The following NLRP6 variants were observed in gnomAD, a reference collection of about 807,000 sequenced individuals.
The protein encoded by NLRP6 is NLR family pyrin domain containing 6.
In NLRP6, 55 loss-of-function variants were observed where a neutral mutation model predicts 70.9. The ratio of observed to expected loss-of-function variants is 0.78; its 90% CI spans 0.62 to 0.97. The LOEUF is 0.97. Among genes scored for constraint, NLRP6 ranks in the 50% least tolerant of loss-of-function variants. NLRP6 has a pLI of 0.00. For synonymous variants in NLRP6, 652 were observed against 581.9 expected (o/e 1.12, Z -1.73); for missense variants, 1,241 against 1,238.3 (o/e 1.00, Z -0.03).
At chr11:283,685 G>A (rs961963954) in intron 5 of NLRP6, among the ~76,000 whole-genome samples, 1 of 152,114 alleles carries the variant, frequency 6.6e-6, no homozygotes, top group Non-Finnish European at 1.5e-5. Flanking sequence ...GAAAGGAAGA[G>A]GAAATCTAGG....
At chr11:282,554 T>G in intron 4 of NLRP6, 151 bp from the exon 5 acceptor site, 1 of 665,112 alleles carries the variant, frequency 1.5e-6, no homozygotes, top group Non-Finnish European at 2.8e-6. Flanking sequence ...TTGCTCTGGG[T>G]TTGGTTGGGG....
intron 7 of NLRP6, 112 bp from the exon 8 acceptor site, chr11:285,054 C>A: frequency 2.2e-6 from 2 of 913,118 alleles, no homozygotes; most frequent in Non-Finnish European, 3.3e-6. Flanking sequence ...CGGCCACCCC[C>A]ACGGCACTGC....
intron 5 of NLRP6, 39 bp from the exon 6 acceptor site, chr11:284,191 A>G (rs374240471): frequency 1.1e-5 from 18 of 1,597,526 alleles, no homozygotes; most frequent in Non-Finnish European, 1.5e-5. Flanking sequence ...GTGGTGGCTG[A>G]GGCGCCTGCA....
chr11:281,573 G>A lies in NLRP6; in HGVS notation c.1839G>A (p.Glu613=). 1 of 1,611,244 alleles carries A rather than the reference G, an allele frequency of 6.2e-7. No individual in the cohort carries two copies. The highest frequency in any genetic ancestry group is 1.3e-5 in the African/African-American group (1 of 75,032). ...TEEPEEEEEG[E]EPNYPLELLY... ...AGCCAGAGGAGGAGGAGGAGGGAGA[G>A]GAGCCCAACTACCCACTGGAGTTGC... The change falls in exon 4 of 8, where the codon GAG becomes GAA. Residue 613 remains glutamate, a synonymous_variant. Coordinates refer to ENST00000534750, the MANE Select transcript of NLRP6 (RefSeq NM_001276700.2).
chr11:280,705 T>G lies in NLRP6; in HGVS notation c.971T>G (p.Val324Gly). The G allele has an allele frequency of 6.4e-7, 1 of 1,571,404 alleles. No homozygotes were observed. The change falls in exon 4 of 8, where the codon GTG becomes GGG. Residue 324 changes from valine (V) to glycine (G), a missense_variant. Physicochemically the swap from Val to Gly is moderately radical, Grantham distance 109. Coordinates refer to ENST00000534750, the MANE Select transcript of NLRP6 (RefSeq NM_001276700.2). ...KALLPTALLL[V>G]TTRAAAPGRL... is the part of the protein sequence containing the mutation. Reference sequence around the variant, plus strand: ...CTGCTGCCCACGGCCCTCCTGCTGGTGACCACGCGCGCCGCCGCCCCCGGG... The same window carrying G: ...CTGCTGCCCACGGCCCTCCTGCTGGGGACCACGCGCGCCGCCGCCCCCGGG...
intron 7 of NLRP6, 111 bp downstream of exon 7, chr11:284,753 T>G: frequency 9.6e-7 from 1 of 1,039,002 alleles, no homozygotes; most frequent in Non-Finnish European, 1.4e-6. Flanking sequence ...CCCAGAGACC[T>G]CCCATGTGAC....
chr11:280,219 C>G lies in NLRP6; in HGVS notation c.485C>G (p.Ala162Gly), dbSNP rs1253547682. 6.5e-7 allele frequency: 1 copy of G among 1,545,484 alleles called. No individual in the cohort carries two copies. Among genetic ancestry groups the G allele is most frequent in the Non-Finnish European group, 8.7e-7 (1 of 1,145,344 alleles). The stretch of plus-strand genomic sequence containing the variant: ...CCCGAGAGCGCCGCCCCGGAGGAGG[C>G]GATGGGGCCCGCGGAAGAGCCTGAG... ...IAPESAAPEE[A>G]MGPAEEPEPG... Residue 162 changes from alanine (A) to glycine (G), a missense_variant, in exon 4 of 8, where the codon GCG (alanine) becomes GGG (glycine). By Grantham distance (60) the Ala-to-Gly change is moderately conservative. Transcript: ENST00000534750.
chr11:278,733 G>T lies in NLRP6; in HGVS notation c.29+135G>T, dbSNP rs376681481. The T allele has an allele frequency of 2.2e-4, 134 of 607,474 alleles. No homozygotes were observed. Among genetic ancestry groups the T allele is most frequent in the Middle Eastern group, 4.7e-4 (1 of 2,114 alleles). The allele number at this position is 607,474 out of a possible 1,614,324, so 37.6% of individuals were successfully genotyped here. On this transcript the variant is annotated intron_variant, in intron 1 of 7. Transcript: ENST00000534750. This position sits in a 1 kb window ranked among gnomAD's most constrained non-coding sequence, Gnocchi z 4.7. ...CCCCCACCCTCACTCCCAGGCTCAG[G>T]AGCCAAGCACTGCCTCCCCACAGAG...
chr11:283,581 G>A (rs1363791239), intron 5 of NLRP6, among the ~76,000 whole-genome samples: 5 of 152,046 alleles, frequency 3.3e-5, no homozygotes, highest in African/African-American at 1.2e-4. Flanking sequence ...CCAAAGTGCT[G>A]GGATCACAGG....
intron 7 of NLRP6, 85 bp from the exon 8 acceptor site, chr11:285,081 C>T: frequency 2.4e-6 from 3 of 1,250,194 alleles, no homozygotes; most frequent in South Asian, 1.3e-5. Context: ...CTGCCCGCGG[C>T]CCGGCTGCCC....
At chr11:281,880 G>A in intron 4 of NLRP6, 41 bp downstream of exon 4, 1 of 1,515,304 alleles carries the variant, frequency 6.6e-7, no homozygotes, top group African/African-American at 1.4e-5. Flanking sequence ...TGTGTGAGGT[G>A]TGTGTGCCGG....
In NLRP6 at chr11:281,667, G is replaced by T. The variant is rs1292120774; in HGVS notation, c.1933G>T (p.Ala645Ser). ...RQALCRFPEL[A>S]LQRVRFCRMD... The stretch of plus-strand genomic sequence containing the variant: ...AGCCCTGTGCCGGTTCCCGGAGCTG[G>T]CGCTGCAGCGAGTGCGCTTCTGCCG... The change falls in exon 4 of 8, where the codon GCG (alanine) becomes TCG (serine). Residue 645 changes from alanine to serine, a missense_variant. Physicochemically the swap from Ala to Ser is moderately conservative, Grantham distance 99. Transcript: ENST00000534750. 1.2e-6 allele frequency: 2 copies of T among 1,613,440 alleles called. No individual in the cohort carries two copies. Among genetic ancestry groups the T allele is most frequent in the Non-Finnish European group, 1.7e-6 (2 of 1,180,034 alleles).
In NLRP6 at chr11:281,694, A is replaced by G. The variant is rs1321327412; in HGVS notation, c.1960A>G (p.Met654Val). ...GCTGCAGCGAGTGCGCTTCTGCCGC[A>G]TGGACGTGGCTGTTCTGAGCTACTG... ...LALQRVRFCR[M>V]DVAVLSYCVR... The change falls in exon 4 of 8, where the codon ATG becomes GTG. Residue 654 changes from methionine (M) to valine (V), a missense_variant. Met to Val is a conservative substitution (Grantham distance 21). Coordinates refer to ENST00000534750, the MANE Select transcript of NLRP6 (RefSeq NM_001276700.2). 4.3e-6 allele frequency: 7 copies of G among 1,613,432 alleles called. No homozygotes were observed. The highest frequency in any genetic ancestry group is 5.9e-6 in the Non-Finnish European group (7 of 1,180,008).
rs754014602 is a variant in NLRP6 at position 281,020 on chromosome 11, C to T, written c.1286C>T (p.Ser429Leu). ...YLLFITSVLS[S>L]APVADGPRLQ... is the part of the protein sequence containing the mutation. ...CTTTTCATCACCAGCGTTCTGAGCT[C>T]GGCTCCGGTAGCCGACGGGCCCCGG... The change falls in exon 4 of 8, where the codon TCG becomes TTG. Residue 429 changes from serine (S) to leucine (L), a missense_variant. Coordinates refer to ENST00000534750, the MANE Select transcript of NLRP6 (RefSeq NM_001276700.2). 3 of 1,613,058 alleles carry T rather than the reference C, an allele frequency of 1.9e-6. No homozygotes were observed. Among genetic ancestry groups the T allele is most frequent in the African/African-American group, 1.3e-5 (1 of 75,064 alleles).
rs753848267 is a variant in NLRP6, at chr11:285,319, G to A, written c.*15G>A. The A allele has an allele frequency of 1.2e-6, 2 of 1,605,064 alleles. No individual in the cohort carries two copies. The highest frequency in any genetic ancestry group is 1.3e-5 in the African/African-American group (1 of 74,872). On this transcript the variant is annotated 3_prime_UTR_variant, in exon 8 of 8. Transcript: ENST00000534750. Reference sequence around the variant, plus strand: ...CGACCTTCTGAGGCTCTGGTGGCCAGAGCAGGGTGGAAGACCCTAGTCAAA... The same window carrying A: ...CGACCTTCTGAGGCTCTGGTGGCCAAAGCAGGGTGGAAGACCCTAGTCAAA...
At chr11:279,654 T>A (rs1484814840) in intron 2 of NLRP6, 47 bp downstream of exon 2, 4 of 1,377,320 alleles carry the variant, frequency 2.9e-6, no homozygotes, top group East Asian at 6.1e-5. Context: ...GAGGCTGGGC[T>A]GCCCTCCTTC....
rs928445610 is a variant in NLRP6, at chr11:278,837, G to A, written c.29+239G>A. Among the ~76,000 whole-genome samples the A allele has an allele frequency of 5.9e-5, 9 of 152,226 alleles. No individual in the cohort carries two copies. Among genetic ancestry groups the A allele is most frequent in the Admixed American group, 3.9e-4 (6 of 15,288 alleles). On this transcript the variant is annotated intron_variant, in intron 1 of 7. Coordinates refer to ENST00000534750, the MANE Select transcript of NLRP6 (RefSeq NM_001276700.2). This position sits in a 1 kb window ranked among gnomAD's most constrained non-coding sequence, Gnocchi z 4.7. ...AGGCCCCAAGCTGGGCCCCACCAAA[G>A]TGTGGCAGGGGTGGGGGCCCAGGAA...
intron 4 of NLRP6, among the ~76,000 whole-genome samples, chr11:282,239 C>T (rs892473799): frequency 3.3e-5 from 5 of 152,204 alleles, no homozygotes; most frequent in African/African-American, 1.2e-4. Context: ...GCTCCCCCAG[C>T]TGGCTGGGGA....
Position 278,453 on chromosome 11 carries a change from G to T in NLRP6, c.-117G>T, listed in dbSNP as rs1221550498. 2.4e-5 allele frequency: 19 copies of T among 788,814 alleles called. 1 individual carries two copies. The East Asian group carries it at 5.7e-4, about 24-fold the overall frequency. 48.9% of individuals were successfully genotyped at this position (788,814 alleles called of 1,614,324 possible). On this transcript the variant is annotated 5_prime_UTR_variant, in exon 1 of 8. Transcript: ENST00000534750. This position sits in a 1 kb window ranked among gnomAD's most constrained non-coding sequence, Gnocchi z 4.7. The stretch of plus-strand genomic sequence containing the variant: ...GCTGAGCTGCGGTGTGTGGACCCGG[G>T]GAATGGACCGGGCTGGACAACCTCT...
Sources: allele counts gnomAD v4.1 joint callset (sites outside exome capture counted in the v4.1 genomes callset), GRCh38; gene constraint gnomAD v4.1.1; non-coding constraint Gnocchi (gnomAD v3.1); transcripts MANE v1.5; gene names NCBI Gene and HGNC (gene_info 2026-07-23, HGNC 2026-07-21).